The following CCDC146 variants were observed in gnomAD, a reference collection of about 807,000 sequenced individuals.
The protein encoded by CCDC146 is coiled-coil domain containing 146.
In CCDC146, 92 loss-of-function variants were observed where a neutral mutation model predicts 119.3. The observed-to-expected ratio is 0.77, with a 90% CI of 0.65 to 0.92. The LOEUF is 0.92. Among genes scored for constraint, CCDC146 ranks in the 40% least tolerant of loss-of-function variants. CCDC146 has a pLI of 0.00. For missense variants in CCDC146, 1,000 were observed against 1,103.0 expected (o/e 0.91, Z 1.32); for synonymous variants, 372 against 371.8 (o/e 1.00, Z -0.01).
intron 2 of CCDC146, chr7:77,199,227 G>A (rs749360931): frequency 6.2e-7 from 1 of 1,613,816 alleles, no homozygotes. Flanking sequence ...TTGAACATTT[G>A]CCATCCAAAC....
intron 1 of CCDC146, among the ~76,000 whole-genome samples, chr7:77,131,740 A>G (rs1790788399): frequency 6.6e-6 from 1 of 152,216 alleles, no homozygotes; most frequent in Non-Finnish European, 1.5e-5. Context: ...AACATAAACA[A>G]AAAACAAAAA....
chr7:77,234,682 C>T (rs1295914428), intron 2 of CCDC146, among the ~76,000 whole-genome samples: 2 of 152,076 alleles, frequency 1.3e-5, no homozygotes, highest in East Asian at 3.9e-4. Flanking sequence ...TTGCAGTGAG[C>T]CAAGATAGCG....
chr7:77,278,825 G>A lies in CCDC146; in HGVS notation c.1514G>A (p.Cys505Tyr), dbSNP rs796370808. The A allele has an allele frequency of 1.9e-6, 3 of 1,612,024 alleles. No individual in the cohort carries two copies. The highest frequency in any genetic ancestry group is 2.5e-6 in the Non-Finnish European group (3 of 1,178,612). The change falls in exon 12 of 19, where the codon TGT becomes TAT. Residue 505 changes from cysteine (C) to tyrosine (Y), a missense_variant. Transcript: ENST00000285871. ...LEIRIHKKKK[C>Y]EIYRRLREFA... ...ATCAGGATACACAAGAAGAAAAAAT[G>A]TGAAATTTATCGGAGGTAAAGTAAT...
At chr7:77,143,329 T>C (rs1466345849) in intron 1 of CCDC146, among the ~76,000 whole-genome samples, 1 of 151,880 alleles carries the variant, frequency 6.6e-6, no homozygotes, top group Non-Finnish European at 1.5e-5. Flanking sequence ...CTTTGTCAGA[T>C]GAGTAGATTA....
intron 2 of CCDC146, among the ~76,000 whole-genome samples, chr7:77,170,660 A>G (rs534515870): frequency 8.7e-4 from 132 of 152,346 alleles, no homozygotes; most frequent in Non-Finnish European, 1.4e-3. Context: ...ATTGCAAACT[A>G]TGCATCTGAG....
chr7:77,184,865 T>A (rs115690407), intron 2 of CCDC146, among the ~76,000 whole-genome samples: 1 of 152,284 alleles, frequency 6.6e-6, no homozygotes, highest in East Asian at 1.9e-4. Flanking sequence ...ATTGTTTTGA[T>A]AAAATACAGA....
At position 77,213,792 on chromosome 7, in the gene CCDC146, G is replaced by T. The variant is rs181292701; in HGVS notation, c.157-23155G>T. On this transcript the variant is annotated intron_variant, in intron 2 of 18. Transcript: ENST00000285871. ...CAGCTGTATTCATGTTGCTGCAAAG[G>T]ACATGATTTCATTCTTTTTTATGAC... 2.6e-5 allele frequency among the ~76,000 whole-genome samples: 4 copies of T among 152,268 alleles called. No homozygotes were observed. The East Asian group carries it at 7.7e-4, about 29-fold the overall frequency.
chr7:77,173,848 C>T (rs913918546), intron 2 of CCDC146, among the ~76,000 whole-genome samples: 2 of 152,102 alleles, frequency 1.3e-5, no homozygotes, highest in African/African-American at 4.8e-5. Flanking sequence ...ATAGAGTAAA[C>T]CTCACAAATA....
chr7:77,129,095 A>C (rs1015206854), intron 1 of CCDC146, among the ~76,000 whole-genome samples: 32 of 152,216 alleles, frequency 2.1e-4, no homozygotes, highest in African/African-American at 7.7e-4. Context: ...TCAGTTTCCC[A>C]TGATGAACTG....
chr7:77,261,688 A>G lies in CCDC146; in HGVS notation c.987-433A>G, dbSNP rs1225777401. ...GAGACGGGGTTTCACCGTGTTAGCC[A>G]GGATGGTCTCGATCTCCTGACCTCA... On this transcript the variant is annotated intron_variant, in intron 8 of 18. Coordinates refer to ENST00000285871, the MANE Select transcript of CCDC146 (RefSeq NM_020879.3). Among the ~76,000 whole-genome samples the G allele has an allele frequency of 2.6e-5, 4 of 152,140 alleles. No homozygotes were observed. In the East Asian group the frequency reaches 7.7e-4, roughly 29 times the overall value.
intron 16 of CCDC146, chr7:77,287,214 A>G (rs1793863686): frequency 1.7e-6 from 1 of 596,918 alleles, no homozygotes; most frequent in Non-Finnish European, 3.0e-6. Flanking sequence ...TGATGGGAGC[A>G]CATCAGAAGA....
In CCDC146 at chr7:77,241,359, G is replaced by A. The variant is rs1481037119; in HGVS notation, c.240-332G>A. Among the ~76,000 whole-genome samples, 6 of 95,160 alleles carry A rather than the reference G, an allele frequency of 6.3e-5. 1 individual carries two copies. In the East Asian group the frequency reaches 1.3e-3, roughly 20 times the overall value. 62.4% of individuals were successfully genotyped at this position (95,160 alleles called of 152,430 possible). On this transcript the variant is annotated intron_variant, in intron 3 of 18. Transcript: ENST00000285871. Reference sequence around the variant, plus strand: ...GGCATGAGCCATCGCGCCCGGCCACGTTGACAGTTTTAAGAGTGCCAGTCA... The same window carrying A: ...GGCATGAGCCATCGCGCCCGGCCACATTGACAGTTTTAAGAGTGCCAGTCA...
intron 2 of CCDC146, among the ~76,000 whole-genome samples, chr7:77,221,700 G>A (rs1347421215): frequency 6.6e-6 from 1 of 152,148 alleles, no homozygotes; most frequent in Non-Finnish European, 1.5e-5. Context: ...CTGATGGACA[G>A]ACATATGAGC....
chr7:77,228,281 T>C (rs7781995), intron 2 of CCDC146, among the ~76,000 whole-genome samples: 9,829 of 152,248 alleles, frequency 0.065, 837 homozygotes, highest in African/African-American at 0.2. Flanking sequence ...TACCTATTAG[T>C]AGTTTTTCCT....
intron 1 of CCDC146, among the ~76,000 whole-genome samples, chr7:77,154,752 C>T (rs927395390): frequency 6.6e-5 from 10 of 151,994 alleles, no homozygotes; most frequent in Non-Finnish European, 8.8e-5. Context: ...TGAATAGTGC[C>T]GCAATAAACA....
At chr7:77,153,671 T>C (rs932623199) in intron 1 of CCDC146, among the ~76,000 whole-genome samples, 1 of 149,472 alleles carries the variant, frequency 6.7e-6, no homozygotes, top group African/African-American at 2.5e-5. Flanking sequence ...CTGGCAAGGA[T>C]GTATTACAAA....
intron 2 of CCDC146, among the ~76,000 whole-genome samples, chr7:77,207,499 T>A (rs1288608324): frequency 2.0e-5 from 3 of 152,174 alleles, no homozygotes; most frequent in Non-Finnish European, 4.4e-5. Flanking sequence ...AAATTTCAGC[T>A]GCAACAATTG....
chr7:77,246,336 G>A (rs1439868002), intron 4 of CCDC146: 1 of 152,224 alleles, frequency 6.6e-6, no homozygotes, highest in African/African-American at 2.4e-5. Flanking sequence ...CTTCTGTGGT[G>A]AATGATGCCT....
intron 2 of CCDC146, among the ~76,000 whole-genome samples, chr7:77,174,431 A>C (rs199560589): frequency 8.3e-3 from 1,169 of 141,694 alleles, no homozygotes; most frequent in East Asian, 0.022. Context: ...GGCAGTGTAC[A>C]CGGAATAGGA....
Sources: gnomAD v4.1 joint callset for allele counts (sites outside exome capture counted in the v4.1 genomes callset) on GRCh38, gnomAD v4.1.1 for gene constraint, MANE v1.5 for transcripts, NCBI Gene and HGNC (gene_info 2026-07-23, HGNC 2026-07-21) for gene names.